The following SLC10A7 variants were observed in gnomAD, a reference collection of about 807,000 sequenced individuals.
SLC10A7 encodes the protein solute carrier family 10 member 7.
SLC10A7 carries 29 observed loss-of-function variants against 43.2 expected under a neutral mutation model. The ratio of observed to expected loss-of-function variants is 0.67; its 90% confidence interval spans 0.50 to 0.92. The LOEUF (loss-of-function observed/expected upper bound fraction) is 0.92. SLC10A7 is among the 40% of genes least tolerant of loss of function. The pLI is 0.00. For missense variants in SLC10A7, 295 were observed against 403.2 expected (o/e 0.73, Z 2.30); for synonymous variants, 152 against 144.8 (o/e 1.05, Z -0.35).
Position 146,435,116 on chromosome 4 carries a change from T to C in SLC10A7, c.435+7667A>G, listed in dbSNP as rs1032741131. On this transcript the variant is annotated intron_variant, in intron 5 of 11. Coordinates refer to ENST00000335472, the MANE Select transcript of SLC10A7 (RefSeq NM_001029998.6). ...TAAAAGTTAAAATCAAACAGCAACA[T>C]CCAGTAAATCTAGGCTTAAAAAATG... Among the ~76,000 whole-genome samples the C allele has an allele frequency of 2.0e-5, 3 of 152,118 alleles. 1 individual carries two copies. The South Asian group carries it at 6.2e-4, about 32-fold the overall frequency.
chr4:146,295,924 T>G (rs750274593), intron 7 of SLC10A7, among the ~76,000 whole-genome samples: 1 of 152,168 alleles, frequency 6.6e-6, no homozygotes, highest in African/African-American at 2.4e-5. Flanking sequence ...AAAATAAGTG[T>G]CTTCCTCTCC....
In SLC10A7 at chr4:146,517,098, A is replaced by G; in HGVS notation, c.123T>C (p.Thr41=). The change falls in exon 2 of 12, where the codon ACT becomes ACC. Residue 41 remains threonine (T), a synonymous_variant. Transcript: ENST00000335472. ...TTGTTGCAACAGCAATGTAGGATAC[A>G]GTTATTTCTGGCTTCAGTGGTCCTA... The part of the protein sequence containing the change: ...VNGGPLKPEI[T]VSYIAVATIF... 1 of 1,609,486 alleles carries G rather than the reference A, an allele frequency of 6.2e-7. No individual in the cohort carries two copies. The highest frequency in any genetic ancestry group is 8.5e-7 in the Non-Finnish European group (1 of 1,177,066).
In SLC10A7 at chr4:146,448,223, T is replaced by A. The variant is rs893324130; in HGVS notation, c.397-5402A>T. Among the ~76,000 whole-genome samples the A allele has an allele frequency of 2.4e-3, 369 of 151,326 alleles. 1 individual carries two copies. Among genetic ancestry groups the A allele is most frequent in the Middle Eastern group, 0.01 (3 of 294 alleles). On this transcript the variant is annotated intron_variant, in intron 4 of 11. Transcript: ENST00000335472. ...CCTAAAACTTAAAGTATAATAATAA[T>A]AAAATTAAAAAATAAAAAAAATTTT...
chr4:146,441,475 A>G (rs1169831634), intron 5 of SLC10A7, among the ~76,000 whole-genome samples: 6 of 152,216 alleles, frequency 3.9e-5, no homozygotes, highest in East Asian at 1.9e-4. Flanking sequence ...AAGAGACCCA[A>G]CTTAAGAAGA....
chr4:146,506,027 C>T (rs564701587), intron 3 of SLC10A7, among the ~76,000 whole-genome samples: 15 of 152,274 alleles, frequency 9.9e-5, no homozygotes, highest in East Asian at 1.9e-4. Flanking sequence ...TCAGCCTCTC[C>T]GCCTTCTGTC....
At chr4:146,378,019 C>T (rs559169387) in intron 5 of SLC10A7, among the ~76,000 whole-genome samples, 1 of 152,128 alleles carries the variant, frequency 6.6e-6, no homozygotes, top group East Asian at 1.9e-4. Flanking sequence ...TGTTCACTGG[C>T]ACTACTCATG....
Position 146,256,363 on chromosome 4 carries a change from A to C in SLC10A7, c.*128T>G, listed in dbSNP as rs1011732648. ...ATACATTTTAAGGCACTTAAACAGG[A>C]TCTCATATTTTTGTGTAAAAAAATA... On this transcript the variant is annotated 3_prime_UTR_variant, in exon 12 of 12. Transcript: ENST00000335472. The C allele has an allele frequency of 1.2e-6, 1 of 847,680 alleles. No individual in the cohort carries two copies. The highest frequency in any genetic ancestry group is 1.9e-6 in the Non-Finnish European group (1 of 521,292). The allele number at this position is 847,680 out of a possible 1,614,324, so 52.5% of individuals were successfully genotyped here. A position where few individuals can be genotyped will look rare whatever the true frequency, so the allele number is the denominator to read the frequency against.
chr4:146,374,619 TACACACACACACAC>T (rs59049339), intron 5 of SLC10A7, among the ~76,000 whole-genome samples: 9 of 123,574 alleles, frequency 7.3e-5, no homozygotes, highest in Middle Eastern at 8.9e-3. Flanking sequence ...TATATACACA[TACACACACACACAC>T]ACACACACAC....
intron 6 of SLC10A7, among the ~76,000 whole-genome samples, chr4:146,325,618 A>G (rs753250679): frequency 1.3e-5 from 2 of 152,140 alleles, no homozygotes; most frequent in Non-Finnish European, 2.9e-5. Flanking sequence ...TCTGTTAAAC[A>G]CTATCAAACA....
chr4:146,349,794 AT>A (rs1734895246), intron 5 of SLC10A7, among the ~76,000 whole-genome samples: 1 of 152,150 alleles, frequency 6.6e-6, no homozygotes, highest in Non-Finnish European at 1.5e-5. Flanking sequence ...TTGGGTTCTC[AT>A]GGACATAAAA....
At chr4:146,431,095 T>C (rs1476054652) in intron 5 of SLC10A7, among the ~76,000 whole-genome samples, 1 of 152,180 alleles carries the variant, frequency 6.6e-6, no homozygotes, top group African/African-American at 2.4e-5. Context: ...CCCTTATTCT[T>C]TTATGTCCAT....
intron 5 of SLC10A7, among the ~76,000 whole-genome samples, chr4:146,411,100 AC>A (rs1212940923): frequency 5.9e-5 from 9 of 152,220 alleles, no homozygotes. Context: ...CTCCCAAAGT[AC>A]TGGGATTACA....
At chr4:146,435,916 G>A (rs1385460748) in intron 5 of SLC10A7, among the ~76,000 whole-genome samples, 4 of 151,910 alleles carry the variant, frequency 2.6e-5, no homozygotes, top group Non-Finnish European at 4.4e-5. Context: ...TGGGACTGAT[G>A]ATGTTTCAAA....
chr4:146,318,766 A>C (rs1276189903), intron 6 of SLC10A7, among the ~76,000 whole-genome samples: 1 of 151,652 alleles, frequency 6.6e-6, no homozygotes, highest in African/African-American at 2.4e-5. Context: ...GAGTTCCTTC[A>C]ACCTGCTCAA....
chr4:146,473,214 C>T (rs921566417), intron 4 of SLC10A7, among the ~76,000 whole-genome samples: 6 of 152,074 alleles, frequency 3.9e-5, no homozygotes, highest in African/African-American at 1.2e-4. Context: ...TTACTACAAC[C>T]GGCTGACGGT....
intron 10 of SLC10A7, among the ~76,000 whole-genome samples, chr4:146,265,582 G>C (rs2163170): frequency 0.47 from 71,203 of 152,010 alleles, 16,898 homozygotes; most frequent in Admixed American, 0.56. Flanking sequence ...TGTAGGTTTT[G>C]ATTTTTCCTG....
chr4:146,269,206 T>C (rs7661938), intron 10 of SLC10A7, among the ~76,000 whole-genome samples: 72,745 of 152,100 alleles, frequency 0.48, 17,597 homozygotes, highest in Admixed American at 0.57. Flanking sequence ...GTTTAATGAA[T>C]GGCCTGAGCC....
chr4:146,309,139 G>C (rs1193795111), intron 6 of SLC10A7, among the ~76,000 whole-genome samples: 7 of 152,108 alleles, frequency 4.6e-5, no homozygotes, highest in African/African-American at 1.7e-4. Context: ...CCAAGACTCA[G>C]TTCAAACATT....
intron 5 of SLC10A7, among the ~76,000 whole-genome samples, chr4:146,423,237 T>C (rs1371958826): frequency 1.3e-5 from 2 of 152,146 alleles, no homozygotes; most frequent in Non-Finnish European, 1.5e-5. Flanking sequence ...GTGAGCTAAA[T>C]TAACCAAACC....
Sources: gnomAD v4.1 joint callset for allele counts (sites outside exome capture counted in the v4.1 genomes callset) on GRCh38, gnomAD v4.1.1 for gene constraint, MANE v1.5 for transcripts, NCBI Gene and HGNC (gene_info 2026-07-23, HGNC 2026-07-21) for gene names.